Variants in TG observed in about 807,000 individuals in gnomAD.
TG encodes thyroid hormones.
Under a neutral mutation model 324.7 loss-of-function variants are expected in TG, and 270 were observed. The observed-to-expected ratio is 0.83, with a 90% CI of 0.75 to 0.92. TG has a LOEUF of 0.92. Among genes scored for constraint, TG ranks in the 40% least tolerant of loss-of-function variants. The pLI, the probability that TG is intolerant of heterozygous loss-of-function variation, is 0.00. For missense variants in TG, 3,591 were observed against 3,456.4 expected (o/e 1.04, Z -0.98); for synonymous variants, 1,401 against 1,327.0 (o/e 1.06, Z -1.21).
intron 11 of TG, among the ~76,000 whole-genome samples, chr8:132,894,831 A>C (rs1816873868): frequency 6.6e-6 from 1 of 152,226 alleles, no homozygotes; most frequent in East Asian, 1.9e-4. Context: ...AGATCTTCAC[A>C]TTTAATCCTC....
chr8:133,018,585 A>G (rs563941170), intron 38 of TG, among the ~76,000 whole-genome samples: 1 of 150,816 alleles, frequency 6.6e-6, no homozygotes, highest in East Asian at 2.0e-4. Flanking sequence ...CAAAAATTTC[A>G]TTTTTTCCTC....
At chr8:133,025,691 T>C (rs1338067349) in intron 40 of TG, among the ~76,000 whole-genome samples, 1 of 152,218 alleles carries the variant, frequency 6.6e-6, no homozygotes, top group South Asian at 2.1e-4. Context: ...CAGGATCATT[T>C]TGTTGCCCTC....
At chr8:132,917,678 T>C (rs1168920917) in intron 20 of TG, among the ~76,000 whole-genome samples, 2 of 151,890 alleles carry the variant, frequency 1.3e-5, no homozygotes. Flanking sequence ...GGTGCGGGCT[T>C]GAGCCACCTT....
chr8:133,068,363 G>A (rs1317008205), intron 41 of TG, among the ~76,000 whole-genome samples: 2 of 152,220 alleles, frequency 1.3e-5, no homozygotes, highest in Non-Finnish European at 2.9e-5. Flanking sequence ...GGCTAACAGA[G>A]AGGCTGGGCT....
intron 41 of TG, among the ~76,000 whole-genome samples, chr8:133,062,203 T>G (rs557712191): frequency 2.6e-5 from 4 of 152,150 alleles, no homozygotes; most frequent in Non-Finnish European, 4.4e-5. Flanking sequence ...TCTTCATGCT[T>G]GCCCCTACCC....
chr8:133,023,482 G>C (rs1472267192), intron 40 of TG, among the ~76,000 whole-genome samples: 1 of 152,180 alleles, frequency 6.6e-6, no homozygotes. Context: ...GTCGTGGTAA[G>C]AAGTGAATAT....
At position 132,982,450 on chromosome 8, in the gene TG, CA is replaced by C. The variant is rs1265506586; in HGVS notation, c.6200-899del. Among the ~76,000 whole-genome samples, 6 of 152,342 alleles carry C rather than the reference CA, an allele frequency of 3.9e-5. No homozygotes were observed. The East Asian group carries it at 1.2e-3, about 29-fold the overall frequency. On this transcript the variant is annotated intron_variant, in intron 34 of 47. Coordinates refer to ENST00000220616, the MANE Select transcript of TG (RefSeq NM_003235.5). ...GAAGATAATTTGCATTTATGTGTCA[CA>C]TACTGGGTATGAATGGTTCTTCATT...
chr8:132,984,710 G>A (rs888530496), intron 35 of TG, among the ~76,000 whole-genome samples: 1 of 152,172 alleles, frequency 6.6e-6, no homozygotes, highest in Non-Finnish European at 1.5e-5. Flanking sequence ...TTGGGAGGCT[G>A]AGGTGGGTGG....
intron 43 of TG, chr8:133,103,108 G>A (rs73708851): frequency 0.026 from 4,143 of 160,320 alleles, 182 homozygotes; most frequent in African/African-American, 0.094. Flanking sequence ...AGGGACGGGA[G>A]GGTGTTAGGG....
intron 43 of TG, chr8:133,102,280 C>T (rs60487272): frequency 0.24 from 94,143 of 393,090 alleles, 12,976 homozygotes; most frequent in African/African-American, 0.36. Flanking sequence ...CATGCCAACG[C>T]TGCATAAGTA....
intron 41 of TG, among the ~76,000 whole-genome samples, chr8:133,062,069 A>G (rs938812131): frequency 6.6e-5 from 10 of 152,256 alleles, no homozygotes; most frequent in Admixed American, 4.6e-4. Flanking sequence ...TGCACCACAG[A>G]AGGGTTGGCT....
intron 35 of TG, chr8:132,995,211 A>G: frequency 1.0e-6 from 1 of 956,500 alleles, no homozygotes; most frequent in Non-Finnish European, 1.2e-6. Flanking sequence ...AGTTTCTTTA[A>G]GGTAGAATTC....
intron 28 of TG, among the ~76,000 whole-genome samples, chr8:132,961,712 A>T (rs2130352373): frequency 2.0e-5 from 3 of 152,268 alleles, no homozygotes; most frequent in Admixed American, 2.0e-4. Flanking sequence ...GAGGGAGCAG[A>T]TAGAGCAGTG....
At chr8:132,897,468 CT>C (rs1439217547) in intron 11 of TG, among the ~76,000 whole-genome samples, 180 bp from the exon 12 acceptor site, 1 of 152,204 alleles carries the variant, frequency 6.6e-6, no homozygotes, top group Admixed American at 6.5e-5. Context: ...AAAGGACAAT[CT>C]GTTGAGTGCC....
intron 8 of TG, among the ~76,000 whole-genome samples, chr8:132,886,084 A>C (rs749148069): frequency 3.9e-5 from 6 of 152,190 alleles, no homozygotes; most frequent in Non-Finnish European, 8.8e-5. Context: ...GGTTCCCTGT[A>C]GACATGAACA....
chr8:132,913,377 C>A, intron 20 of TG, 112 bp downstream of exon 20: 2 of 1,141,848 alleles, frequency 1.8e-6, no homozygotes, highest in Non-Finnish European at 2.6e-6. Context: ...GAGAACCATC[C>A]ATTTAGTTAA....
intron 41 of TG, among the ~76,000 whole-genome samples, chr8:133,032,797 T>C (rs934521680): frequency 6.6e-6 from 1 of 152,238 alleles, no homozygotes; most frequent in South Asian, 2.1e-4. Flanking sequence ...GTGATGATAA[T>C]GAATAACCTG....
intron 34 of TG, among the ~76,000 whole-genome samples, chr8:132,973,950 G>A (rs916767790): frequency 6.6e-6 from 1 of 150,444 alleles, no homozygotes; most frequent in African/African-American, 2.5e-5. Flanking sequence ...ATCTGGAAAT[G>A]TGGAAGGGGT....
chr8:132,988,031 T>A (rs1831797342), intron 35 of TG, among the ~76,000 whole-genome samples: 1 of 149,652 alleles, frequency 6.7e-6, no homozygotes. Flanking sequence ...TTCTTTGAAG[T>A]AGACTTTGAA....
Sources: allele counts gnomAD v4.1 joint callset (sites outside exome capture counted in the v4.1 genomes callset), GRCh38; gene constraint gnomAD v4.1.1; transcripts MANE v1.5; gene names NCBI Gene and HGNC (gene_info 2026-07-23, HGNC 2026-07-21).